CHN1: variants seen among roughly 807,000 people sequenced by gnomAD.
CHN1 encodes chimerin 1.
A neutral mutation model predicts 59.5 loss-of-function variants in CHN1; 37 were observed. The ratio of observed to expected loss-of-function variants is 0.62; its 90% CI spans 0.48 to 0.82. CHN1 has a LOEUF of 0.82. Among genes scored for constraint, CHN1 ranks in the 40% least tolerant of loss-of-function variants. CHN1 has a pLI of 0.00. For missense variants in CHN1, 469 were observed against 571.0 expected (o/e 0.82, Z 1.82); for synonymous variants, 206 against 200.4 (o/e 1.03, Z -0.24).
chr2:174,919,389 G>A (rs1041798256), intron 3 of CHN1, among the ~76,000 whole-genome samples: 1 of 150,304 alleles, frequency 6.7e-6, no homozygotes, highest in African/African-American at 2.5e-5. Context: ...CATTTAAAGT[G>A]AGTCCTGAAT....
chr2:175,003,623 T>C (rs1691959809), intron 1 of CHN1, among the ~76,000 whole-genome samples: 1 of 152,228 alleles, frequency 6.6e-6, no homozygotes, highest in African/African-American at 2.4e-5. Context: ...TACAAGGTAC[T>C]GAGAAACAGC....
At chr2:174,818,419 G>T (rs1203618432) in intron 8 of CHN1, among the ~76,000 whole-genome samples, 1 of 152,068 alleles carries the variant, frequency 6.6e-6, no homozygotes, top group East Asian at 1.9e-4. Flanking sequence ...TGCTGCCTCA[G>T]GGACTAACGG....
intron 4 of CHN1, among the ~76,000 whole-genome samples, chr2:174,915,592 G>A (rs1371264013): frequency 1.3e-5 from 2 of 151,856 alleles, no homozygotes; most frequent in Non-Finnish European, 2.9e-5. Flanking sequence ...TTTTGGCTGA[G>A]TCTATGTTGG....
chr2:174,986,973 T>C (rs186258065), intron 1 of CHN1, among the ~76,000 whole-genome samples: 3 of 152,170 alleles, frequency 2.0e-5, no homozygotes, highest in Admixed American at 2.0e-4. Flanking sequence ...CCTGACCTCA[T>C]GGTCTGCCTG....
chr2:174,844,445 G>C (rs1194203815), intron 7 of CHN1, among the ~76,000 whole-genome samples: 1 of 152,128 alleles, frequency 6.6e-6, no homozygotes, highest in African/African-American at 2.4e-5. Flanking sequence ...TACATAACAA[G>C]GCAGTTCAAG....
intron 5 of CHN1, among the ~76,000 whole-genome samples, chr2:174,882,794 A>G (rs1316052963): frequency 1.3e-5 from 2 of 152,244 alleles, no homozygotes; most frequent in African/African-American, 4.8e-5. Context: ...TCATTCAATC[A>G]TAAGATACTC....
chr2:174,879,048 A>G (rs1287075578), intron 5 of CHN1, among the ~76,000 whole-genome samples: 2 of 152,232 alleles, frequency 1.3e-5, no homozygotes, highest in African/African-American at 4.8e-5. Context: ...CTGCCAGTGT[A>G]ATGGTCTCCT....
chr2:174,889,012 T>C (rs530701563), intron 5 of CHN1, among the ~76,000 whole-genome samples: 8 of 152,280 alleles, frequency 5.3e-5, no homozygotes, highest in Admixed American at 5.2e-4. Context: ...AACGTCTCAC[T>C]TGATTCAGGG....
intron 3 of CHN1, among the ~76,000 whole-genome samples, chr2:174,936,856 T>A (rs1338006719): frequency 6.6e-6 from 1 of 152,162 alleles, no homozygotes; most frequent in Admixed American, 6.5e-5. Flanking sequence ...TTTAAGTATG[T>A]GCTTGGTTTT....
intron 1 of CHN1, among the ~76,000 whole-genome samples, chr2:174,996,386 T>G (rs1475822848): frequency 6.6e-6 from 1 of 152,218 alleles, no homozygotes; most frequent in Non-Finnish European, 1.5e-5. Flanking sequence ...GAGAAATTGT[T>G]CTGGTATCTT....
rs139733586 is a variant in CHN1, at chr2:174,972,971, C to A, written c.20-20769G>T. 3.8e-4 allele frequency among the ~76,000 whole-genome samples: 58 copies of A among 152,266 alleles called. No homozygotes were observed. The East Asian group carries it at 0.01, about 27-fold the overall frequency. Reference sequence around the variant, plus strand: ...ACTGATATTCTCTTTTTCTAGTGTTCTATCCTCATTTTATATCAAATATAA... The same window carrying A: ...ACTGATATTCTCTTTTTCTAGTGTTATATCCTCATTTTATATCAAATATAA... On this transcript the variant is annotated intron_variant, in intron 1 of 12. Coordinates refer to ENST00000409900, the MANE Select transcript of CHN1 (RefSeq NM_001822.7).
At chr2:174,870,256 G>A (rs1274381734) in intron 6 of CHN1, among the ~76,000 whole-genome samples, 1 of 152,278 alleles carries the variant, frequency 6.6e-6, no homozygotes. Flanking sequence ...CATTATAGCT[G>A]CCTATAATTT....
chr2:174,816,895 TCA>T (rs1685286327), intron 8 of CHN1, among the ~76,000 whole-genome samples: 1 of 152,056 alleles, frequency 6.6e-6, no homozygotes, highest in Non-Finnish European at 1.5e-5. Context: ...TACACACAGG[TCA>T]CAGATTGAGT....
intron 1 of CHN1, among the ~76,000 whole-genome samples, chr2:174,981,013 C>T (rs150337607): frequency 3.9e-5 from 6 of 152,250 alleles, no homozygotes; most frequent in African/African-American, 1.4e-4. Context: ...TGTAAAATTT[C>T]ACCAAATTTT....
intron 8 of CHN1, among the ~76,000 whole-genome samples, chr2:174,817,763 G>A (rs1313214402): frequency 3.3e-5 from 5 of 150,944 alleles, no homozygotes; most frequent in Non-Finnish European, 7.4e-5. Flanking sequence ...TCAGTCTCCC[G>A]AGTTGCTGGG....
intron 1 of CHN1, among the ~76,000 whole-genome samples, chr2:174,997,901 C>T (rs146765226): frequency 0.042 from 6,317 of 148,658 alleles, 471 homozygotes; most frequent in African/African-American, 0.15. Flanking sequence ...GCAGGAGAAT[C>T]GCTCAAATCC....
At chr2:174,993,517 A>G (rs1444175800) in intron 1 of CHN1, among the ~76,000 whole-genome samples, 1 of 152,248 alleles carries the variant, frequency 6.6e-6, no homozygotes, top group African/African-American at 2.4e-5. Context: ...AGACATGTAG[A>G]AAGTGGAAGG....
chr2:174,885,094 TG>T (rs1241830746), intron 5 of CHN1, among the ~76,000 whole-genome samples: 1 of 151,410 alleles, frequency 6.6e-6, no homozygotes, highest in East Asian at 1.9e-4. Context: ...AAGACCATCC[TG>T]GCTAACATGG....
At chr2:174,836,447 AAATAAGATTAACTT>A (rs1286739955) in intron 7 of CHN1, among the ~76,000 whole-genome samples, 1 of 152,156 alleles carries the variant, frequency 6.6e-6, no homozygotes, top group East Asian at 1.9e-4. Flanking sequence ...TACACATGTA[AAATAAGATTAACTT>A]AATCAGTAAT....
Sources: gnomAD v4.1 joint callset for allele counts (sites outside exome capture counted in the v4.1 genomes callset) on GRCh38, gnomAD v4.1.1 for gene constraint, MANE v1.5 for transcripts, NCBI Gene and HGNC (gene_info 2026-07-23, HGNC 2026-07-21) for gene names.